CDH17: variants seen among roughly 807,000 people sequenced by gnomAD.
CDH17 encodes the protein cadherin-17.
CDH17 carries 67 observed loss-of-function variants against 86.3 expected under a neutral mutation model. The observed-to-expected ratio is 0.78, with a 90% CI of 0.64 to 0.95. CDH17 has a LOEUF of 0.95. CDH17 is among the 40% of genes least tolerant of loss of function. The probability of loss-of-function intolerance (pLI) is 0.00; values close to 1 mark genes in which losing one functional copy is unlikely to be tolerated. For missense variants in CDH17, 993 were observed against 1,017.6 expected, an observed-to-expected ratio of 0.98 and a Z score of 0.33; for synonymous variants, 367 against 366.4, an observed-to-expected ratio of 1.00 and a Z score of -0.02.
At chr8:94,139,571 G>GA (rs1316737168) in intron 15 of CDH17, among the ~76,000 whole-genome samples, 1 of 152,098 alleles carries the variant, frequency 6.6e-6, no homozygotes, top group African/African-American at 2.4e-5. Flanking sequence ...AGCACCCAGA[G>GA]AAAAAAGAAT....
At chr8:94,171,008 T>C (rs1813259757) in intron 7 of CDH17, 23 bp from the exon 8 acceptor site, 1 of 1,609,144 alleles carries the variant, frequency 6.2e-7, no homozygotes, top group Non-Finnish European at 8.5e-7. Context: ...AAGTCAGTTG[T>C]GAGGAAAGCT....
Position 94,146,107 on chromosome 8 carries a change from T to C in CDH17, c.1988A>G (p.Asn663Ser). Residue 663 changes from asparagine (N) to serine (S), a missense_variant, in exon 15 of 18, where the codon AAC (asparagine) becomes AGC (serine). Asn to Ser is a conservative substitution (Grantham distance 46). Transcript: ENST00000027335. ...FHLILMDVND[N>S]PPRLAKDYTG... ...GTAGTCCTTGGCTAGCCTGGGAGGGTTGTCATTCACATCCATAAGGATCAG... is the reference window on the plus strand; with the variant it reads ...GTAGTCCTTGGCTAGCCTGGGAGGGCTGTCATTCACATCCATAAGGATCAG... 1 of 1,611,574 alleles carries C rather than the reference T, an allele frequency of 6.2e-7. No individual in the cohort carries two copies. The highest frequency in any genetic ancestry group is 8.5e-7 in the Non-Finnish European group (1 of 1,178,910).
rs1025028521 is a variant in CDH17 at position 94,194,624 on chromosome 8, T to G, written c.51+11A>C. 10 of 1,576,520 alleles carry G rather than the reference T, an allele frequency of 6.3e-6. No individual in the cohort carries two copies. The African/African-American group carries it at 1.4e-4, about 21-fold the overall frequency. ...AGTAAACAAATAGAGAAGAACACCC[T>G]CTTCTCTTACCAAATAAAGCATAAG... On this transcript the variant is annotated intron_variant, in intron 2 of 17. Transcript: ENST00000027335.
intron 1 of CDH17, among the ~76,000 whole-genome samples, chr8:94,198,144 T>C (rs1232422235): frequency 6.6e-6 from 1 of 152,170 alleles, no homozygotes; most frequent in Non-Finnish European, 1.5e-5. Flanking sequence ...AAATATCATG[T>C]ATGTATGTAT....
intron 2 of CDH17, 113 bp downstream of exon 2, chr8:94,194,522 T>A: frequency 1.4e-6 from 1 of 740,544 alleles, no homozygotes; most frequent in Non-Finnish European, 2.3e-6. Context: ...AACTTAATTT[T>A]GATAGGTCAT....
At chr8:94,179,265 ATC>A in intron 3 of CDH17, among the ~76,000 whole-genome samples, 1 of 152,172 alleles carries the variant, frequency 6.6e-6, no homozygotes. Context: ...TACAACACTT[ATC>A]TTCATTTGAC....
intron 15 of CDH17, among the ~76,000 whole-genome samples, chr8:94,138,221 A>G (rs1238043604): frequency 6.6e-6 from 1 of 152,204 alleles, no homozygotes; most frequent in East Asian, 1.9e-4. Context: ...AAATATGCAT[A>G]TTTAAAAATT....
intron 17 of CDH17, among the ~76,000 whole-genome samples, chr8:94,129,961 A>G (rs1812377633): frequency 6.6e-6 from 1 of 152,226 alleles, no homozygotes; most frequent in Non-Finnish European, 1.5e-5. Context: ...AAATCTGGAA[A>G]AAACCCAAAA....
intron 3 of CDH17, among the ~76,000 whole-genome samples, chr8:94,180,844 G>A (rs1813468040): frequency 6.6e-6 from 1 of 151,282 alleles, no homozygotes; most frequent in South Asian, 2.1e-4. Flanking sequence ...GCAGTGAGCT[G>A]AGATTGTGCC....
In CDH17 at chr8:94,206,186, A is replaced by G. The variant is rs953521997; in HGVS notation, c.-21+2297T>C. Among the ~76,000 whole-genome samples, 3 of 151,196 alleles carry G rather than the reference A, an allele frequency of 2.0e-5. No individual in the cohort carries two copies. The South Asian group carries it at 6.3e-4, about 32-fold the overall frequency. On this transcript the variant is annotated intron_variant, in intron 1 of 17. Transcript: ENST00000027335. The stretch of plus-strand genomic sequence containing the variant: ...TAAGTGAAAAAAAAAAATCAACTTT[A>G]GTGTAGTTAATACCTCAGCCACTAG...
At chr8:94,167,383 C>T (rs1160020265) in intron 9 of CDH17, among the ~76,000 whole-genome samples, 1 of 152,044 alleles carries the variant, frequency 6.6e-6, no homozygotes, top group Non-Finnish European at 1.5e-5. Context: ...GGAGTTACAC[C>T]CCCTCCCCCA....
intron 12 of CDH17, among the ~76,000 whole-genome samples, chr8:94,154,048 A>G (rs1433933950): frequency 6.6e-6 from 1 of 152,214 alleles, no homozygotes; most frequent in Non-Finnish European, 1.5e-5. Context: ...TTCATCACAA[A>G]AAATGATAAG....
intron 15 of CDH17, among the ~76,000 whole-genome samples, chr8:94,138,156 TTATGCCCTCCCTATTCATA>T (rs945022329): frequency 2.0e-5 from 3 of 152,150 alleles, no homozygotes; most frequent in Non-Finnish European, 2.9e-5. Flanking sequence ...CAATTCACAC[TTATGCCCTCCCTATTCATA>T]TCTGCCAAGA....
At chr8:94,170,710 TATC>T in intron 8 of CDH17, 141 bp downstream of exon 8, 1 of 1,341,144 alleles carries the variant, frequency 7.5e-7, no homozygotes, top group East Asian at 2.3e-5. Flanking sequence ...ATGTGAAAAT[TATC>T]ATGTCTTTGA....
chr8:94,172,077 A>G (rs1813281452), intron 7 of CDH17, among the ~76,000 whole-genome samples: 1 of 146,022 alleles, frequency 6.8e-6, no homozygotes, highest in Admixed American at 7.1e-5. Flanking sequence ...TTTGGGTTTC[A>G]GAACACCCAG....
chr8:94,207,431 G>C, intron 1 of CDH17, among the ~76,000 whole-genome samples: 1 of 152,244 alleles, frequency 6.6e-6, no homozygotes, highest in African/African-American at 2.4e-5. Flanking sequence ...GCAGCTCTCT[G>C]TTCTGTGCCC....
chr8:94,145,923 C>T lies in CDH17; in HGVS notation c.2167+5G>A. 2 of 1,610,096 alleles carry T rather than the reference C, an allele frequency of 1.2e-6. No homozygotes were observed. Among genetic ancestry groups the T allele is most frequent in the Non-Finnish European group, 8.5e-7 (1 of 1,178,558 alleles). On this transcript the variant is annotated splice_donor_5th_base_variant and intron_variant, in intron 15 of 17. Transcript: ENST00000027335. Reference sequence around the variant, plus strand: ...GTTTTTTTCCATGTATTTCTGACAACTCACCATTGATTTTGGAAACTTCCC... The same window carrying T: ...GTTTTTTTCCATGTATTTCTGACAATTCACCATTGATTTTGGAAACTTCCC...
At chr8:94,204,354 G>C (rs1813982836) in intron 1 of CDH17, among the ~76,000 whole-genome samples, 1 of 152,072 alleles carries the variant, frequency 6.6e-6, no homozygotes. Context: ...TGTGTCATGT[G>C]TTCTCATTGT....
intron 13 of CDH17, among the ~76,000 whole-genome samples, chr8:94,149,804 G>A (rs1470579709): frequency 6.6e-6 from 1 of 152,176 alleles, no homozygotes; most frequent in East Asian, 1.9e-4. Context: ...GGAGCTCATT[G>A]GTAGGTGTTT....
Sources: gnomAD v4.1 joint callset for allele counts (sites outside exome capture counted in the v4.1 genomes callset) on GRCh38, gnomAD v4.1.1 for gene constraint, MANE v1.5 for transcripts, NCBI Gene and HGNC (gene_info 2026-07-23, HGNC 2026-07-21) for gene names.